SYNE1: variants seen among roughly 807,000 people sequenced by gnomAD.
SYNE1 encodes the protein spectrin repeat containing nuclear envelope protein 1, also known as nesprin-1.
A neutral mutation model predicts 1,111.0 loss-of-function variants in SYNE1; 616 were observed. That is an observed-to-expected ratio of 0.55 (90% CI 0.52 to 0.59). The LOEUF (loss-of-function observed/expected upper bound fraction) is 0.59. SYNE1 is among the 20% of genes least tolerant of loss of function. SYNE1 has a pLI of 0.00. For synonymous variants in SYNE1, 3,855 were observed against 3,825.8 expected (o/e 1.01, Z -0.28); for missense variants, 10,006 against 10,417.0 (o/e 0.96, Z 1.72).
chr6:152,226,434 TCCTC>T (rs2081586389), intron 115 of SYNE1, among the ~76,000 whole-genome samples: 1 of 152,142 alleles, frequency 6.6e-6, no homozygotes. Context: ...ATCTGTATGA[TCCTC>T]TCTCTCTAAA....
chr6:152,551,750 T>C (rs1212784899), intron 3 of SYNE1, among the ~76,000 whole-genome samples: 1 of 152,202 alleles, frequency 6.6e-6, no homozygotes, highest in Non-Finnish European at 1.5e-5. Flanking sequence ...ATCTAAGAGT[T>C]TTCCTACTGA....
At chr6:152,373,559 C>T (rs200590972) in intron 58 of SYNE1, among the ~76,000 whole-genome samples, 1 of 152,226 alleles carries the variant, frequency 6.6e-6, no homozygotes, top group Non-Finnish European at 1.5e-5. Flanking sequence ...GGATTACAGG[C>T]GTGAGCCACC....
chr6:152,354,647 C>A lies in SYNE1; in HGVS notation c.10926+12G>T, dbSNP rs1174752496. On this transcript the variant is annotated intron_variant, in intron 67 of 145. Coordinates refer to ENST00000367255, the MANE Select transcript of SYNE1 (RefSeq NM_182961.4). ...AGCTTTGACAAAGATCAGGAATCTACATGAGTTGTACCTTCATCTGATGTA... is the reference window on the plus strand; with the variant it reads ...AGCTTTGACAAAGATCAGGAATCTAAATGAGTTGTACCTTCATCTGATGTA... 6.2e-7 allele frequency: 1 copy of A among 1,613,998 alleles called. No individual in the cohort carries two copies. The highest frequency in any genetic ancestry group is 1.1e-5 in the South Asian group (1 of 91,070).
intron 84 of SYNE1, 103 bp downstream of exon 84, chr6:152,321,135 C>T: frequency 2.3e-6 from 3 of 1,322,956 alleles, no homozygotes; most frequent in South Asian, 2.7e-5. Flanking sequence ...TTTTTTAACT[C>T]TGTCTCCAAG....
rs574836722 is a variant in SYNE1, at chr6:152,561,392, T to C, written c.68-21371A>G. ...TAACCAAGGAGATAAAAGATCTGTA[T>C]AATGAAACAATAAAGCATTGATGCA... On this transcript the variant is annotated intron_variant, in intron 3 of 145. Coordinates refer to ENST00000367255, the MANE Select transcript of SYNE1 (RefSeq NM_182961.4). Among the ~76,000 whole-genome samples the C allele has an allele frequency of 4.3e-4, 66 of 152,200 alleles. 1 individual carries two copies. Among genetic ancestry groups the C allele is most frequent in the South Asian group, 3.3e-3 (16 of 4,826 alleles).
chr6:152,545,472 C>T (rs1327718055), intron 3 of SYNE1, among the ~76,000 whole-genome samples: 10 of 151,958 alleles, frequency 6.6e-5, no homozygotes, highest in Non-Finnish European at 8.8e-5. Flanking sequence ...CCCAGCTACT[C>T]GGGAGGCTAA....
chr6:152,212,220 A>G (rs114283891), intron 123 of SYNE1, among the ~76,000 whole-genome samples: 2,672 of 152,196 alleles, frequency 0.018, 85 homozygotes, highest in African/African-American at 0.059. Flanking sequence ...TACCACAATC[A>G]ATTTTAGAAT....
chr6:152,583,046 G>C (rs1449006755), intron 3 of SYNE1, among the ~76,000 whole-genome samples: 1 of 152,142 alleles, frequency 6.6e-6, no homozygotes, highest in African/African-American at 2.4e-5. Context: ...ATTCTGAAGT[G>C]TTATAAATCT....
At position 152,152,248 on chromosome 6, in the gene SYNE1, T is replaced by C. The variant is rs1163666213; in HGVS notation, c.24130-107A>G. On this transcript the variant is annotated intron_variant, in intron 133 of 145. Transcript: ENST00000367255. Reference sequence around the variant, plus strand: ...TCTGGGAGAATGGGAAGTTACACTATCACAGAGGGAAAGAATGATGTCTAA... The same window carrying C: ...TCTGGGAGAATGGGAAGTTACACTACCACAGAGGGAAAGAATGATGTCTAA... The C allele has an allele frequency of 1.7e-5, 17 of 975,848 alleles. No individual in the cohort carries two copies. In the Admixed American group the frequency reaches 2.0e-4, roughly 11 times the overall value. The allele number at this position is 975,848 out of a possible 1,614,324, so 60.4% of individuals were successfully genotyped here.
At chr6:152,562,751 T>C (rs562335470) in intron 3 of SYNE1, among the ~76,000 whole-genome samples, 28 of 152,324 alleles carry the variant, frequency 1.8e-4, no homozygotes, top group Middle Eastern at 6.8e-3. Context: ...TGTATACCTA[T>C]GTAACAAACC....
intron 145 of SYNE1, among the ~76,000 whole-genome samples, chr6:152,124,295 C>T (rs979482996): frequency 6.8e-6 from 1 of 147,142 alleles, no homozygotes; most frequent in Non-Finnish European, 1.5e-5. Flanking sequence ...GGCAACAGAG[C>T]GAGACTCTAT....
intron 101 of SYNE1, among the ~76,000 whole-genome samples, chr6:152,257,523 C>T (rs186494700): frequency 9.2e-5 from 14 of 151,972 alleles, no homozygotes; most frequent in African/African-American, 2.9e-4. Flanking sequence ...AGAGCAAGAC[C>T]CTGTTTCAAA....
intron 3 of SYNE1, among the ~76,000 whole-genome samples, chr6:152,598,894 T>A (rs1177826282): frequency 6.6e-6 from 1 of 152,192 alleles, no homozygotes; most frequent in African/African-American, 2.4e-5. Context: ...TTAATCCAGA[T>A]GTTTTGCTGC....
rs889485493 is a variant in SYNE1, at chr6:152,519,672, T to C, written c.309+787A>G. The stretch of plus-strand genomic sequence containing the variant: ...TAGGCAAGTAGCACAGAAATAATTA[T>C]TGAAGGCAATGGATACTAAAATCAG... On this transcript the variant is annotated intron_variant, in intron 6 of 145. Transcript: ENST00000367255. 5.3e-5 allele frequency among the ~76,000 whole-genome samples: 8 copies of C among 152,138 alleles called. No individual in the cohort carries two copies. The South Asian group carries it at 1.7e-3, about 31-fold the overall frequency.
Position 152,151,426 on chromosome 6 carries a change from AT to A in SYNE1, c.24450+126del, listed in dbSNP as rs566612348. The A allele has an allele frequency of 7.6e-3, 8,920 of 1,168,708 alleles. 44 individuals carry two copies. Among genetic ancestry groups the A allele is most frequent in the Non-Finnish European group, 9.1e-3 (7,621 of 837,964 alleles). The allele number at this position is 1,168,708 out of a possible 1,614,324, so 72.4% of individuals were successfully genotyped here. A position where few individuals can be genotyped will look rare whatever the true frequency, so the allele number is the denominator to read the frequency against. ...TTTTTATATATTTTACATTTTCTGA[AT>A]TTTTTTGCAGTCCAGAACTAATTTT... is the stretch of plus-strand genomic sequence containing the variant. On this transcript the variant is annotated intron_variant, in intron 135 of 145. Transcript: ENST00000367255.
At chr6:152,226,010 G>T in intron 115 of SYNE1, 134 bp from the exon 116 acceptor site, 2 of 842,718 alleles carry the variant, frequency 2.4e-6, no homozygotes, top group Non-Finnish European at 3.7e-6. Flanking sequence ...TTCAGAAGAG[G>T]CACGCTGCAG....
Position 152,450,749 on chromosome 6 carries a change from G to A in SYNE1, c.3271C>T (p.Arg1091Trp), listed in dbSNP as rs147841761. 701 of 1,614,056 alleles carry A rather than the reference G, an allele frequency of 4.3e-4. No homozygotes were observed. Among genetic ancestry groups the A allele is most frequent in the Non-Finnish European group, 5.7e-4 (669 of 1,179,992 alleles). ...IEELCVKLPV[R>W]DPVRDTPGTC... ...CCAGGTGTGTCCCTTACTGGGTCCC[G>A]CACTGGGAGTTTCACACAGAGTTCC... The change falls in exon 27 of 146, where the codon CGG (arginine) becomes TGG (tryptophan). Residue 1091 changes from arginine (R) to tryptophan (W), a missense_variant. Transcript: ENST00000367255.
At chr6:152,199,042 C>A (rs1176990926) in intron 127 of SYNE1, among the ~76,000 whole-genome samples, 2 of 150,100 alleles carry the variant, frequency 1.3e-5, no homozygotes, top group Non-Finnish European at 3.0e-5. Context: ...GTGAAACACA[C>A]TAAAACAAGT....
At chr6:152,278,006 G>A (rs1454152812) in intron 98 of SYNE1, 83 bp downstream of exon 98, 1 of 1,500,116 alleles carries the variant, frequency 6.7e-7, no homozygotes, top group Admixed American at 1.7e-5. Context: ...CCGCCAACCT[G>A]TTCCTTTACC....
Sources: gnomAD v4.1 joint callset for allele counts (sites outside exome capture counted in the v4.1 genomes callset) on GRCh38, gnomAD v4.1.1 for gene constraint, MANE v1.5 for transcripts, NCBI Gene and HGNC (gene_info 2026-07-23, HGNC 2026-07-21) for gene names.